Variants in GAS2 observed in about 807,000 individuals in gnomAD.
GAS2 encodes the protein growth arrest-specific protein 2.
A neutral mutation model predicts 37.5 loss-of-function variants in GAS2; 20 were observed. The observed-to-expected ratio is 0.53, with a 90% CI of 0.37 to 0.77. The LOEUF is 0.77. Among genes scored for constraint, GAS2 ranks in the 30% least tolerant of loss-of-function variants. The probability of loss-of-function intolerance (pLI) is 0.00; values close to 1 mark genes in which losing one functional copy is unlikely to be tolerated. For missense variants in GAS2, 336 were observed against 373.4 expected (o/e 0.90, Z 0.82); for synonymous variants, 144 against 132.2 (o/e 1.09, Z -0.61).
chr11:22,749,976 T>C (rs1326499830), intron 6 of GAS2, among the ~76,000 whole-genome samples: 1 of 152,106 alleles, frequency 6.6e-6, no homozygotes, highest in Non-Finnish European at 1.5e-5. Flanking sequence ...TGCTTGAGTA[T>C]GTGTGTGCAT....
rs1858904636 is a variant in GAS2, at chr11:22,641,097, C to T, written c.-21+15284C>T. Among the ~76,000 whole-genome samples, 7 of 150,154 alleles carry T rather than the reference C, an allele frequency of 4.7e-5. No homozygotes were observed. The South Asian group carries it at 1.3e-3, about 27-fold the overall frequency. On this transcript the variant is annotated intron_variant, in intron 1 of 5. Coordinates refer to the GAS2 transcript ENST00000528582. The stretch of plus-strand genomic sequence containing the variant: ...GCACTCTGGCTTTTTTTTGAATTGA[C>T]CAAGGGGAGGCATTAGCAAGCAGTC...
intron 7 of GAS2, among the ~76,000 whole-genome samples, chr11:22,760,162 G>A (rs1168008777): frequency 1.3e-5 from 2 of 148,278 alleles, no homozygotes; most frequent in South Asian, 2.1e-4. Flanking sequence ...TGTATTTTAA[G>A]TAGAGACAGG....
At chr11:22,653,534 GA>G (rs1381203656) in intron 1 of GAS2, among the ~76,000 whole-genome samples, 4 of 152,182 alleles carry the variant, frequency 2.6e-5, no homozygotes, top group Non-Finnish European at 5.9e-5. Flanking sequence ...ACTGGAAGAT[GA>G]AAATATAATG....
At chr11:22,722,809 T>C (rs1452319096) in intron 3 of GAS2, among the ~76,000 whole-genome samples, 3 of 151,888 alleles carry the variant, frequency 2.0e-5, no homozygotes, top group African/African-American at 7.2e-5. Context: ...CATTCATCTA[T>C]TAGTTTTTGA....
At chr11:22,627,801 A>G (rs1271180883) in intron 1 of GAS2, among the ~76,000 whole-genome samples, 1 of 152,096 alleles carries the variant, frequency 6.6e-6, no homozygotes, top group East Asian at 1.9e-4. Flanking sequence ...GAAAATGGAA[A>G]AAAAAAGGAA....
chr11:22,711,737 C>G (rs377240148), intron 3 of GAS2, among the ~76,000 whole-genome samples: 78 of 152,242 alleles, frequency 5.1e-4, no homozygotes, highest in African/African-American at 1.8e-3. Context: ...CCAGCTTTCC[C>G]CCACTTCCCT....
chr11:22,656,481 A>G (rs1848856268), intron 1 of GAS2, among the ~76,000 whole-genome samples: 1 of 152,276 alleles, frequency 6.6e-6, no homozygotes, highest in Non-Finnish European at 1.5e-5. Flanking sequence ...GACTATAAAA[A>G]GAATGTTCAT....
At chr11:22,785,662 A>G (rs1855785154) in intron 7 of GAS2, among the ~76,000 whole-genome samples, 2 of 151,998 alleles carry the variant, frequency 1.3e-5, no homozygotes, top group South Asian at 4.1e-4. Flanking sequence ...TTTTTAAACT[A>G]TATCTTCAGC....
intron 7 of GAS2, among the ~76,000 whole-genome samples, chr11:22,774,850 CA>C (rs1855170451): frequency 6.6e-6 from 1 of 151,540 alleles, no homozygotes; most frequent in African/African-American, 2.4e-5. Flanking sequence ...AGATGAGACT[CA>C]AAGAATAAGC....
chr11:22,782,773 T>C (rs1590125377), intron 7 of GAS2, among the ~76,000 whole-genome samples: 1 of 109,232 alleles, frequency 9.2e-6, no homozygotes. Context: ...GTTCTTTTTT[T>C]TTTTTTTTTT....
At chr11:22,654,141 A>G (rs188258328) in intron 1 of GAS2, among the ~76,000 whole-genome samples, 29 of 152,356 alleles carry the variant, frequency 1.9e-4, no homozygotes, top group Admixed American at 1.5e-3. Flanking sequence ...GATAGAATCC[A>G]TGAGCAAAAT....
upstream of GAS2, among the ~76,000 whole-genome samples, chr11:22,662,007 G>T (rs1465742129): frequency 6.6e-6 from 1 of 152,094 alleles, no homozygotes. Context: ...ATGTTTTTGT[G>T]AAACATACTT....
intron 3 of GAS2, among the ~76,000 whole-genome samples, chr11:22,719,099 A>G (rs1590703872): frequency 6.6e-6 from 1 of 152,130 alleles, no homozygotes; most frequent in Non-Finnish European, 1.5e-5. Flanking sequence ...TGATGTTTTC[A>G]TATATGCATA....
intron 3 of GAS2, among the ~76,000 whole-genome samples, chr11:22,693,484 T>G (rs1850351875): frequency 6.6e-6 from 1 of 152,210 alleles, no homozygotes; most frequent in South Asian, 2.1e-4. Flanking sequence ...TTTGCAATGT[T>G]CAGGTCATTA....
intron 3 of GAS2, among the ~76,000 whole-genome samples, chr11:22,698,033 GGGA>G (rs1357830737): frequency 6.6e-6 from 1 of 152,116 alleles, no homozygotes; most frequent in African/African-American, 2.4e-5. Context: ...AGTTTTCAAA[GGGA>G]ATGCTTCCAG....
chr11:22,684,461 TAGAA>T (rs1849843618), intron 2 of GAS2, among the ~76,000 whole-genome samples: 1 of 152,040 alleles, frequency 6.6e-6, no homozygotes, highest in Admixed American at 6.6e-5. Context: ...GCATGAGAAA[TAGAA>T]GGAAGCTTGA....
intron 1 of GAS2, among the ~76,000 whole-genome samples, chr11:22,641,314 T>TTATATATC (rs1413643126): frequency 2.7e-5 from 3 of 110,622 alleles, no homozygotes; most frequent in East Asian, 5.8e-4. Flanking sequence ...TTATATATAT[T>TTATATATC]TATATATCTT....
rs189066982 is a variant in GAS2, at chr11:22,697,604, T to C, written c.267+11815T>C. On this transcript the variant is annotated intron_variant, in intron 3 of 7. Transcript: ENST00000454584. ...TGGAATGTTCTTCCATTTGTTTGTA[T>C]CCTCTTTTATTTCATTGAGCAGTGG... is the stretch of plus-strand genomic sequence containing the variant. 6.2e-4 allele frequency among the ~76,000 whole-genome samples: 94 copies of C among 152,310 alleles called. 1 individual carries two copies. In the East Asian group the frequency reaches 0.015, roughly 25 times the overall value.
chr11:22,748,100 T>TA, intron 5 of GAS2, among the ~76,000 whole-genome samples: 1 of 152,194 alleles, frequency 6.6e-6, no homozygotes, highest in East Asian at 1.9e-4. Context: ...TAAAAATAGA[T>TA]AAAAAAGTAG....
Sources: allele counts gnomAD v4.1 joint callset (sites outside exome capture counted in the v4.1 genomes callset), GRCh38; gene constraint gnomAD v4.1.1; transcripts MANE v1.5; gene names NCBI Gene and HGNC (gene_info 2026-07-23, HGNC 2026-07-21).